Variants in ROBO1 observed in about 807,000 individuals in gnomAD.
ROBO1 encodes roundabout homolog 1.
ROBO1 carries 149 observed loss-of-function variants against 195.9 expected under a neutral mutation model. The observed-to-expected ratio is 0.76, with a 90% confidence interval of 0.67 to 0.87. ROBO1 has a LOEUF of 0.87. Ranked by LOEUF, ROBO1 falls within the 40% of genes least tolerant of loss-of-function variation. The probability of loss-of-function intolerance (pLI) is 0.00; values close to 1 mark genes in which losing one functional copy is unlikely to be tolerated. For synonymous variants in ROBO1, 816 were observed against 733.2 expected, an observed-to-expected ratio of 1.11 and a Z score of -1.82; for missense variants, 1,933 against 2,068.3, an observed-to-expected ratio of 0.93 and a Z score of 1.27.
At chr3:78,773,197 C>T (rs1201727257) in intron 4 of ROBO1, among the ~76,000 whole-genome samples, 1 of 151,934 alleles carries the variant, frequency 6.6e-6, no homozygotes, top group Non-Finnish European at 1.5e-5. Context: ...ATTATTATCC[C>T]ATTTTATTGG....
chr3:78,731,367 A>G (rs1440158747), intron 5 of ROBO1, among the ~76,000 whole-genome samples: 2 of 152,132 alleles, frequency 1.3e-5, no homozygotes, highest in Non-Finnish European at 2.9e-5. Context: ...TAAGAGTTCC[A>G]GCATTTAGGG....
At chr3:78,613,184 A>T (rs1161981635) in intron 28 of ROBO1, among the ~76,000 whole-genome samples, 1 of 112,086 alleles carries the variant, frequency 8.9e-6, no homozygotes, top group African/African-American at 3.4e-5. Flanking sequence ...CCCTTTGAAC[A>T]AGTATAAATA....
intron 2 of ROBO1, among the ~76,000 whole-genome samples, chr3:79,155,700 T>C (rs1436787093): frequency 2.0e-5 from 3 of 151,760 alleles, no homozygotes; most frequent in Non-Finnish European, 2.9e-5. Flanking sequence ...CTCCTGTTTT[T>C]TGAGTGAAGA....
chr3:79,585,578 G>GT (rs141433725), intron 2 of ROBO1, among the ~76,000 whole-genome samples: 2,436 of 152,000 alleles, frequency 0.016, 26 homozygotes, highest in Non-Finnish European at 0.025. Flanking sequence ...TAGAAAACAA[G>GT]TATCTCCAAA....
intron 2 of ROBO1, among the ~76,000 whole-genome samples, chr3:79,308,092 A>C (rs1379063753): frequency 6.6e-6 from 1 of 152,180 alleles, no homozygotes; most frequent in African/African-American, 2.4e-5. Flanking sequence ...ATCAGGTTAC[A>C]AGAGCAACAA....
intron 1 of ROBO1, among the ~76,000 whole-genome samples, chr3:79,716,318 G>T (rs999496359): frequency 6.6e-6 from 1 of 151,848 alleles, no homozygotes. Flanking sequence ...AGTAAGTGTG[G>T]AAATAATAGA....
At chr3:78,849,944 A>T (rs2033943383) in intron 4 of ROBO1, among the ~76,000 whole-genome samples, 1 of 152,134 alleles carries the variant, frequency 6.6e-6, no homozygotes, top group African/African-American at 2.4e-5. Context: ...GTCTCAAAAT[A>T]TTATAACGTA....
intron 3 of ROBO1, among the ~76,000 whole-genome samples, chr3:78,987,536 C>T (rs989758275): frequency 6.6e-6 from 1 of 152,096 alleles, no homozygotes; most frequent in Admixed American, 6.5e-5. Context: ...AGGAGGGATA[C>T]TGTTAAAACA....
chr3:79,584,133 C>T (rs146507849), intron 2 of ROBO1, among the ~76,000 whole-genome samples: 4 of 151,546 alleles, frequency 2.6e-5, no homozygotes, highest in East Asian at 1.9e-4. Context: ...TATTTCACAT[C>T]GGTGAAAGAA....
chr3:78,635,905 A>G lies in ROBO1; in HGVS notation c.3241T>C (p.Ser1081Pro). ...TTGTTCATGTTGTTGCTGAGGTTTG[A>G]CTGGATGAGCTGAGTGGTGGCGTAA... is the stretch of plus-strand genomic sequence containing the variant. The part of the protein sequence containing the change: ...TPYATTQLIQ[S>P]NLSNNMNNGS... Residue 1081 changes from serine to proline, a missense_variant, in exon 23 of 31, where the codon TCA (serine) becomes CCA (proline). Physicochemically the swap from Ser to Pro is moderately conservative, Grantham distance 74. This residue lies in a region of ROBO1 where 1,737 missense variants were observed against 1,882.5 expected (regional missense o/e 0.92). Coordinates refer to ENST00000464233, the MANE Select transcript of ROBO1 (RefSeq NM_002941.4). 1 of 1,613,846 alleles carries G rather than the reference A, an allele frequency of 6.2e-7. No homozygotes were observed.
chr3:78,838,640 A>G (rs2032937777), intron 4 of ROBO1, among the ~76,000 whole-genome samples: 1 of 152,170 alleles, frequency 6.6e-6, no homozygotes, highest in African/African-American at 2.4e-5. Flanking sequence ...CAAAGGACCC[A>G]GCTGAGCGAG....
At chr3:78,616,717 C>G (rs1704135687) in intron 27 of ROBO1, among the ~76,000 whole-genome samples, 1 of 152,052 alleles carries the variant, frequency 6.6e-6, no homozygotes, top group Non-Finnish European at 1.5e-5. Flanking sequence ...TCATTTCACT[C>G]TACTATTTAG....
intron 1 of ROBO1, among the ~76,000 whole-genome samples, chr3:79,734,001 G>T: frequency 7.0e-6 from 1 of 142,972 alleles, no homozygotes; most frequent in Admixed American, 7.1e-5. Context: ...AGGCTGGATT[G>T]CAATGGTGCG....
chr3:79,409,600 T>G (rs1318856418), intron 2 of ROBO1, among the ~76,000 whole-genome samples: 1 of 152,146 alleles, frequency 6.6e-6, no homozygotes, highest in African/African-American at 2.4e-5. Context: ...TCTCAGTAAA[T>G]TGCCTCAGCT....
intron 2 of ROBO1, among the ~76,000 whole-genome samples, chr3:79,530,226 A>T (rs923608984): frequency 6.6e-6 from 1 of 152,208 alleles, no homozygotes; most frequent in Non-Finnish European, 1.5e-5. Context: ...CAAAGCGCTC[A>T]TAACAGTGAC....
In ROBO1 at chr3:79,735,212, T is replaced by G. The variant is rs1264578542; in HGVS notation, c.-51+32540A>C. ...TGAGGAGTAATGCTTTAAGGCAACTTATTACTTCAAATAGGTCTCTAATAT... is the reference window on the plus strand; with the variant it reads ...TGAGGAGTAATGCTTTAAGGCAACTGATTACTTCAAATAGGTCTCTAATAT... On this transcript the variant is annotated intron_variant, in intron 1 of 30. Transcript: ENST00000464233. 3.3e-5 allele frequency among the ~76,000 whole-genome samples: 5 copies of G among 152,206 alleles called. No individual in the cohort carries two copies. In the East Asian group the frequency reaches 7.7e-4, roughly 24 times the overall value.
intron 2 of ROBO1, among the ~76,000 whole-genome samples, chr3:79,414,006 C>A (rs776066025): frequency 5.3e-5 from 8 of 152,018 alleles, no homozygotes; most frequent in Non-Finnish European, 1.0e-4. Context: ...GTCTGTCGAC[C>A]TTTTTATTTA....
intron 2 of ROBO1, among the ~76,000 whole-genome samples, chr3:79,149,836 C>A (rs560378382): frequency 6.6e-5 from 10 of 151,830 alleles, no homozygotes; most frequent in African/African-American, 1.9e-4. Flanking sequence ...AACCCCAGTA[C>A]GTTAGGCCCT....
intron 8 of ROBO1, among the ~76,000 whole-genome samples, chr3:78,689,816 T>G (rs897760581): frequency 2.6e-5 from 4 of 151,920 alleles, no homozygotes; most frequent in Non-Finnish European, 4.4e-5. Flanking sequence ...ATCAATCACT[T>G]AGGGAAACTC....
Sources: allele counts gnomAD v4.1 joint callset (sites outside exome capture counted in the v4.1 genomes callset), GRCh38; gene constraint gnomAD v4.1.1; regional missense constraint gnomAD v4.1.1; transcripts MANE v1.5; gene names NCBI Gene and HGNC (gene_info 2026-07-23, HGNC 2026-07-21).